Variants in DDC observed in about 807,000 individuals in gnomAD.
The protein encoded by DDC is dopa decarboxylase.
A neutral mutation model predicts 60.0 loss-of-function variants in DDC; 43 were observed. That is an observed-to-expected ratio of 0.72 (90% CI 0.56 to 0.92). The LOEUF is 0.92. Ranked by LOEUF, DDC falls within the 40% of genes least tolerant of loss-of-function variation. The pLI is 0.00. For synonymous variants in DDC, 232 were observed against 234.6 expected, an observed-to-expected ratio of 0.99 and a Z score of 0.10; for missense variants, 573 against 620.2, an observed-to-expected ratio of 0.92 and a Z score of 0.81.
At chr7:50,481,961 A>T (rs1022610874) in intron 9 of DDC, among the ~76,000 whole-genome samples, 2 of 152,238 alleles carry the variant, frequency 1.3e-5, no homozygotes, top group African/African-American at 2.4e-5. Flanking sequence ...GTGCATGCAC[A>T]TATCCCAATC....
intron 6 of DDC, 111 bp from the exon 7 acceptor site, chr7:50,504,170 T>C: frequency 1.3e-6 from 1 of 766,640 alleles, no homozygotes; most frequent in South Asian, 1.4e-5. Flanking sequence ...TGAGCCGAGA[T>C]CCCAATGAAT....
rs1373144663 is a variant in DDC at position 50,542,274 on chromosome 7, C to T, written c.201+1611G>A. 2.6e-5 allele frequency: 4 copies of T among 152,108 alleles called. No homozygotes were observed. The East Asian group carries it at 7.7e-4, about 29-fold the overall frequency. 9.4% of individuals were successfully genotyped at this position (152,108 alleles called of 1,614,324 possible). ...GAAGGAGCCGACAAAGACAAAGCGCCCGGGGCCCAGGAGAGTTTAAGAGCA... is the reference window on the plus strand; with the variant it reads ...GAAGGAGCCGACAAAGACAAAGCGCTCGGGGCCCAGGAGAGTTTAAGAGCA... On this transcript the variant is annotated intron_variant, in intron 2 of 14. Coordinates refer to ENST00000444124, the MANE Select transcript of DDC (RefSeq NM_001082971.2).
rs557852410 is a variant in DDC, at chr7:50,549,523, G to A, written c.-28-5410C>T. 4.7e-4 allele frequency among the ~76,000 whole-genome samples: 71 copies of A among 152,054 alleles called. 1 individual carries two copies. Among genetic ancestry groups the A allele is most frequent in the Non-Finnish European group, 7.9e-4 (54 of 67,976 alleles). ...AAAAAAATTAGCCAGGTGTGGTGGC[G>A]GGCTCCTGTAGTCCCAGCTACTCGG... On this transcript the variant is annotated intron_variant, in intron 1 of 14. Transcript: ENST00000444124.
intron 6 of DDC, among the ~76,000 whole-genome samples, chr7:50,507,043 T>C (rs1228720395): frequency 6.6e-6 from 1 of 152,228 alleles, no homozygotes; most frequent in Non-Finnish European, 1.5e-5. Context: ...ACTCAGTTTG[T>C]AGAGCATGAG....
Position 50,499,262 on chromosome 7 carries a change from T to C in DDC, c.782-20A>G. The C allele has an allele frequency of 6.3e-7, 1 of 1,582,964 alleles. No homozygotes were observed. Among genetic ancestry groups the C allele is most frequent in the South Asian group, 1.1e-5 (1 of 89,920 alleles). On this transcript the variant is annotated intron_variant, in intron 7 of 14. Coordinates refer to ENST00000444124, the MANE Select transcript of DDC (RefSeq NM_001082971.2). ...TGTTGCCTAAAGTTCAGAATCAACT[T>C]GTGAGTCCCCAGATGGATGCCTCAC...
chr7:50,461,868 G>A (rs1178628186), intron 14 of DDC, among the ~76,000 whole-genome samples: 1 of 152,182 alleles, frequency 6.6e-6, no homozygotes, highest in African/African-American at 2.4e-5. Flanking sequence ...TTATGAGTAG[G>A]GGAAGGCCCT....
rs527351497 is a variant in DDC at position 50,559,474 on chromosome 7, C to T, written c.-29+5811G>A. ...ACAGAGTCTCGCTCTGTTGCCCAGG[C>T]TGCAGTGCAATGGCATGATCTCAGC... On this transcript the variant is annotated intron_variant, in intron 1 of 14. Coordinates refer to ENST00000444124, the MANE Select transcript of DDC (RefSeq NM_001082971.2). Among the ~76,000 whole-genome samples the T allele has an allele frequency of 2.7e-5, 4 of 150,668 alleles. No individual in the cohort carries two copies. The East Asian group carries it at 5.9e-4, about 22-fold the overall frequency.
chr7:50,514,392 C>A (rs1278503387), intron 6 of DDC, among the ~76,000 whole-genome samples: 2 of 152,148 alleles, frequency 1.3e-5, no homozygotes, highest in African/African-American at 4.8e-5. Context: ...ACCAGGAAAC[C>A]AACCCCGGTA....
In DDC at chr7:50,554,721, G is replaced by C. The variant is rs553204896; in HGVS notation, c.-29+10564C>G. Among the ~76,000 whole-genome samples the C allele has an allele frequency of 1.4e-4, 21 of 152,278 alleles. No individual in the cohort carries two copies. In the East Asian group the frequency reaches 3.5e-3, roughly 25 times the overall value. ...TACAACTGCTCTTCTCAGAGACTGTGGTCCTCAAAGCCAATTATTCTACAT... is the reference window on the plus strand; with the variant it reads ...TACAACTGCTCTTCTCAGAGACTGTCGTCCTCAAAGCCAATTATTCTACAT... On this transcript the variant is annotated intron_variant, in intron 1 of 14. Coordinates refer to ENST00000444124, the MANE Select transcript of DDC (RefSeq NM_001082971.2).
chr7:50,557,609 G>T (rs62447496), intron 1 of DDC, among the ~76,000 whole-genome samples: 7,841 of 152,230 alleles, frequency 0.052, 267 homozygotes, highest in Middle Eastern at 0.099. Flanking sequence ...CACTTATTAA[G>T]GGCTGCTGAG....
At chr7:50,531,786 G>A (rs1008081864) in intron 4 of DDC, 1 of 152,138 alleles carries the variant, frequency 6.6e-6, no homozygotes, top group African/African-American at 2.4e-5. Context: ...TCTTCGCGGA[G>A]AGAAGCACGG....
At chr7:50,535,621 G>A (rs1002173810) in intron 4 of DDC, among the ~76,000 whole-genome samples, 2 of 152,218 alleles carry the variant, frequency 1.3e-5, no homozygotes, top group Non-Finnish European at 2.9e-5. Flanking sequence ...AGGAATCTGG[G>A]TGTCATCCGG....
At chr7:50,469,418 C>T (rs1404610993) in intron 12 of DDC, among the ~76,000 whole-genome samples, 2 of 152,236 alleles carry the variant, frequency 1.3e-5, no homozygotes, top group African/African-American at 4.8e-5. Flanking sequence ...GTCTGAGAAC[C>T]ACTGGACTAG....
At chr7:50,510,480 C>A (rs1057352324) in intron 6 of DDC, among the ~76,000 whole-genome samples, 1 of 151,066 alleles carries the variant, frequency 6.6e-6, no homozygotes, top group Admixed American at 6.6e-5. Flanking sequence ...ACCAGTCTGA[C>A]CAACATGGTG....
rs148033309 is a variant in DDC at position 50,501,919 on chromosome 7, C to T, written c.781+2074G>A. ...TGAAACCCCATCTCTAATAAAAATA[C>T]AAAAATTAGCCAGGCATGATGGCAT... On this transcript the variant is annotated intron_variant, in intron 7 of 14. Coordinates refer to ENST00000444124, the MANE Select transcript of DDC (RefSeq NM_001082971.2). 4.4e-3 allele frequency among the ~76,000 whole-genome samples: 672 copies of T among 152,030 alleles called. 5 individuals carry two copies. The highest frequency in any genetic ancestry group is 0.016 in the African/African-American group (644 of 41,450).
At chr7:50,464,880 G>T (rs2042360270) in intron 13 of DDC, among the ~76,000 whole-genome samples, 1 of 151,922 alleles carries the variant, frequency 6.6e-6, no homozygotes, top group African/African-American at 2.4e-5. Context: ...AGAGAGTGAG[G>T]CCAAGATGGC....
At chr7:50,508,727 T>C (rs887841554) in intron 6 of DDC, among the ~76,000 whole-genome samples, 2 of 152,158 alleles carry the variant, frequency 1.3e-5, no homozygotes, top group East Asian at 3.9e-4. Flanking sequence ...GAAGGACGCA[T>C]ATAGTCATTA....
intron 13 of DDC, among the ~76,000 whole-genome samples, chr7:50,466,722 C>T (rs948959590): frequency 1.2e-4 from 18 of 152,280 alleles, no homozygotes; most frequent in Middle Eastern, 6.8e-3. Flanking sequence ...AATAACAGCA[C>T]GCCACAACAC....
intron 9 of DDC, among the ~76,000 whole-genome samples, chr7:50,484,384 C>A (rs1415753266): frequency 1.3e-5 from 2 of 152,116 alleles, no homozygotes; most frequent in Non-Finnish European, 2.9e-5. Context: ...GATTTTCTGG[C>A]TTTCCTCTTT....
Sources: gnomAD v4.1 joint callset for allele counts (sites outside exome capture counted in the v4.1 genomes callset) on GRCh38, gnomAD v4.1.1 for gene constraint, MANE v1.5 for transcripts, NCBI Gene and HGNC (gene_info 2026-07-23, HGNC 2026-07-21) for gene names.